GPC3: variants seen among roughly 807,000 people sequenced by gnomAD.
GPC3 encodes glypican-3.
In GPC3, 3 loss-of-function variants were observed where a neutral mutation model predicts 34.4. That is an observed-to-expected ratio of 0.09 (90% CI 0.04 to 0.23). The LOEUF is 0.23. Among genes scored for constraint, GPC3 ranks in the 10% least tolerant of loss-of-function variants. The pLI, the probability that GPC3 is intolerant of heterozygous loss-of-function variation, is 1.00. For synonymous variants in GPC3, 177 were observed against 174.0 expected, an observed-to-expected ratio of 1.02 and a Z score of -0.13; for missense variants, 351 against 445.6, an observed-to-expected ratio of 0.79 and a Z score of 1.91.
chrX:133,810,687 C>T (rs769851154), intron 2 of GPC3, among the ~76,000 whole-genome samples: 1 of 108,723 alleles, frequency 9.2e-6, no homozygotes, highest in Admixed American at 9.9e-5. Context: ...GGGTGGATCA[C>T]GAGGTCAGGA....
At chrX:133,716,368 TTAAAC>T (rs974608620) in intron 3 of GPC3, among the ~76,000 whole-genome samples, 4 of 111,793 alleles carry the variant, frequency 3.6e-5, no homozygotes, top group African/African-American at 6.5e-5. Flanking sequence ...ACAAAAAACT[TTAAAC>T]TAGCCATTTT....
chrX:133,695,349 A>C (rs991541129), intron 4 of GPC3, among the ~76,000 whole-genome samples: 1 of 112,413 alleles, frequency 8.9e-6, no homozygotes, highest in Non-Finnish European at 1.9e-5. Flanking sequence ...TGATGGTTGC[A>C]TAACTCTGTG....
intron 5 of GPC3, among the ~76,000 whole-genome samples, chrX:133,689,595 T>A (rs1315326800): frequency 8.9e-6 from 1 of 112,170 alleles, no homozygotes; most frequent in African/African-American, 3.2e-5. Context: ...TTTTTCACCA[T>A]AAACAATAGA....
intron 7 of GPC3, among the ~76,000 whole-genome samples, chrX:133,596,187 TCA>T (rs1342958134): frequency 9.0e-6 from 1 of 111,500 alleles, no homozygotes; most frequent in African/African-American, 3.3e-5. Context: ...ACTGATTAGG[TCA>T]GTTCATTTTA....
intron 3 of GPC3, among the ~76,000 whole-genome samples, chrX:133,706,254 A>G (rs1474145105): frequency 8.9e-6 from 1 of 112,353 alleles, no homozygotes; most frequent in Non-Finnish European, 1.9e-5. Context: ...AAATCCTACA[A>G]GAAAACTAAG....
At chrX:133,573,747 A>G (rs961557744) in intron 7 of GPC3, among the ~76,000 whole-genome samples, 1 of 112,468 alleles carries the variant, frequency 8.9e-6, no homozygotes, top group Non-Finnish European at 1.9e-5. Flanking sequence ...AATACAAAAC[A>G]TTGTTAAAGG....
intron 2 of GPC3, among the ~76,000 whole-genome samples, chrX:133,878,352 G>C (rs1006427345): frequency 9.0e-6 from 1 of 110,876 alleles, no homozygotes. Context: ...GCTTGAACCT[G>C]GGAAACGGAG....
intron 2 of GPC3, among the ~76,000 whole-genome samples, chrX:133,782,928 G>A (rs765225568): frequency 2.1e-4 from 23 of 111,478 alleles, no homozygotes; most frequent in Non-Finnish European, 3.6e-4. Context: ...AGACAGGTTA[G>A]CAGGGGCCAA....
chrX:133,771,969 T>C (rs945629608), intron 2 of GPC3, among the ~76,000 whole-genome samples: 1 of 111,271 alleles, frequency 9.0e-6, no homozygotes, highest in Admixed American at 9.6e-5. Flanking sequence ...ATTGCTCAGA[T>C]CTGAGGTTTT....
chrX:133,874,793 A>G (rs1199050294), intron 2 of GPC3, among the ~76,000 whole-genome samples: 2 of 112,384 alleles, frequency 1.8e-5, no homozygotes, highest in African/African-American at 6.5e-5. Flanking sequence ...CAACTCACAT[A>G]TAAATGAGTT....
chrX:133,842,315 C>CA (rs1040293800), intron 2 of GPC3, among the ~76,000 whole-genome samples: 17 of 98,061 alleles, frequency 1.7e-4, no homozygotes, highest in South Asian at 4.5e-4. Context: ...GAGACTGTCT[C>CA]AAAAAAAAAA....
intron 3 of GPC3, among the ~76,000 whole-genome samples, chrX:133,723,867 A>T (rs980800575): frequency 8.9e-6 from 1 of 112,162 alleles, no homozygotes; most frequent in African/African-American, 3.2e-5. Flanking sequence ...CCTTATAGCA[A>T]TGCAAATGGC....
intron 2 of GPC3, among the ~76,000 whole-genome samples, chrX:133,822,175 G>A (rs2075722795): frequency 8.9e-6 from 1 of 111,974 alleles, no homozygotes; most frequent in African/African-American, 3.2e-5. Context: ...CATCCCACCT[G>A]GGATACGAAT....
intron 6 of GPC3, among the ~76,000 whole-genome samples, chrX:133,621,846 C>A (rs190484054): frequency 1.4e-3 from 156 of 112,414 alleles, no homozygotes; most frequent in Non-Finnish European, 2.6e-3. Flanking sequence ...AACAGACAGA[C>A]TGCCTCCTCT....
intron 2 of GPC3, among the ~76,000 whole-genome samples, chrX:133,794,351 C>G (rs748040662): frequency 8.9e-6 from 1 of 111,827 alleles, no homozygotes; most frequent in East Asian, 2.8e-4. Flanking sequence ...AAGGAAAGAA[C>G]GTAAGTGCTT....
intron 2 of GPC3, among the ~76,000 whole-genome samples, chrX:133,887,866 C>G (rs1349881468): frequency 9.1e-6 from 1 of 109,835 alleles, no homozygotes; most frequent in East Asian, 2.8e-4. Context: ...TTTTTGAGGT[C>G]AAATCCAAAC....
chrX:133,577,333 T>C (rs762148886), intron 7 of GPC3, among the ~76,000 whole-genome samples: 1 of 112,597 alleles, frequency 8.9e-6, no homozygotes, highest in African/African-American at 3.2e-5. Context: ...TTGCAAAGCA[T>C]GAAGTTATTA....
chrX:133,671,290 C>T, intron 5 of GPC3: 1 of 882,287 alleles, frequency 1.1e-6, no homozygotes, highest in South Asian at 2.0e-5. Context: ...AGAAAAAGAC[C>T]TCAAGAAAGC....
chrX:133,871,227 C>A (rs2075992799), intron 2 of GPC3, among the ~76,000 whole-genome samples: 1 of 111,647 alleles, frequency 9.0e-6, no homozygotes, highest in African/African-American at 3.3e-5. Context: ...TTGCTTCAAC[C>A]AACTTCCTTA....
Sources: gnomAD v4.1 joint callset for allele counts (sites outside exome capture counted in the v4.1 genomes callset) on GRCh38, gnomAD v4.1.1 for gene constraint, MANE v1.5 for transcripts, NCBI Gene and HGNC (gene_info 2026-07-23, HGNC 2026-07-21) for gene names.